Variants in PVT1 observed in about 807,000 individuals in gnomAD.
PVT1 encodes Pvt1 oncogene.
intron 2 of PVT1, among the ~76,000 whole-genome samples, chr8:127,812,248 C>CAGGAAGGCAGGAAGGCAGGAAGGA (rs1814604804): frequency 2.7e-5 from 3 of 112,040 alleles, no homozygotes; most frequent in African/African-American, 4.6e-5. Flanking sequence ...GGAAGGAAGG[C>CAGGAAGGCAGGAAGGCAGGAAGGA]AGGAAGGCAG....
chr8:127,992,223 TA>T (rs1817051759), intron 4 of PVT1, among the ~76,000 whole-genome samples: 1 of 151,952 alleles, frequency 6.6e-6, no homozygotes, highest in Admixed American at 6.6e-5. Context: ...CTGTCTCTAT[TA>T]AAAATACAAA....
chr8:127,826,149 C>G (rs1008663175), intron 2 of PVT1, among the ~76,000 whole-genome samples: 1 of 151,338 alleles, frequency 6.6e-6, no homozygotes, highest in Admixed American at 6.6e-5. Context: ...CATGAGCTAC[C>G]GCTACACCCA....
At chr8:127,976,638 A>G (rs780128164) in intron 3 of PVT1, among the ~76,000 whole-genome samples, 4 of 152,076 alleles carry the variant, frequency 2.6e-5, no homozygotes, top group Non-Finnish European at 5.9e-5. Flanking sequence ...TTGAACATTA[A>G]CCAGGCATCA....
At chr8:127,839,064 G>C (rs1395478008) in intron 2 of PVT1, among the ~76,000 whole-genome samples, 1 of 152,200 alleles carries the variant, frequency 6.6e-6, no homozygotes, top group African/African-American at 2.4e-5. Context: ...TGTGTAGTGA[G>C]TAGGCTGTCA....
intron 2 of PVT1, among the ~76,000 whole-genome samples, chr8:127,881,833 C>G (rs1463139573): frequency 6.6e-6 from 1 of 152,024 alleles, no homozygotes; most frequent in African/African-American, 2.4e-5. Context: ...CACTGACTTC[C>G]TGGACTCAAG....
intron 3 of PVT1, among the ~76,000 whole-genome samples, chr8:127,982,119 A>G (rs569271428): frequency 6.6e-6 from 1 of 152,138 alleles, no homozygotes; most frequent in African/African-American, 2.4e-5. Flanking sequence ...TAAGATGGGG[A>G]TAATGTGAGC....
intron 2 of PVT1, among the ~76,000 whole-genome samples, chr8:127,885,681 T>C (rs1815515269): frequency 6.6e-6 from 1 of 152,130 alleles, no homozygotes; most frequent in Admixed American, 6.6e-5. Flanking sequence ...GTAACAAACA[T>C]TCAAAACATC....
At chr8:127,819,206 C>G (rs1563613744) in intron 2 of PVT1, among the ~76,000 whole-genome samples, 1 of 152,138 alleles carries the variant, frequency 6.6e-6, no homozygotes, top group East Asian at 1.9e-4. Flanking sequence ...TCTCATAGTA[C>G]ACGTTACTTT....
intron 4 of PVT1, among the ~76,000 whole-genome samples, chr8:128,033,590 C>A (rs1813425013): frequency 6.6e-6 from 1 of 152,150 alleles, no homozygotes; most frequent in Non-Finnish European, 1.5e-5. Flanking sequence ...AGAAGAAGGT[C>A]TTTTGAGATA....
chr8:127,976,583 G>A (rs894612790), intron 3 of PVT1, among the ~76,000 whole-genome samples: 8 of 152,114 alleles, frequency 5.3e-5, no homozygotes, highest in South Asian at 2.1e-4. Flanking sequence ...AGTTGGAAAG[G>A]GTGGCACTGT....
chr8:127,984,070 G>A (rs1433162528), intron 3 of PVT1: 2 of 151,846 alleles, frequency 1.3e-5, no homozygotes, highest in African/African-American at 4.8e-5. Flanking sequence ...GTAGAGACGG[G>A]GTTTCACCAT....
rs773429269 is a variant in PVT1 at position 127,984,871 on chromosome 8, T to TTC, written n.783-4289_783-4288dup. 2.2e-3 allele frequency among the ~76,000 whole-genome samples: 181 copies of TTC among 81,106 alleles called. 6 individuals are homozygous for TTC. Among genetic ancestry groups the TTC allele is most frequent in the South Asian group, 2.3e-3 (4 of 1,732 alleles). The allele number at this position is 81,106 out of a possible 152,430, so 53.2% of individuals were successfully genotyped here. On this transcript the variant is annotated intron_variant and non_coding_transcript_variant, in intron 3 of 10. Coordinates refer to ENST00000651587, the Ensembl canonical transcript of PVT1. ...TTTCTTTCTTTCTTTCTTTCTTTCT[T>TTC]TCTTTCTTTCTTTCTTTCTTTCTTT...
intron 2 of PVT1, among the ~76,000 whole-genome samples, chr8:127,864,512 C>T (rs1815265226): frequency 6.6e-6 from 1 of 152,162 alleles, no homozygotes; most frequent in African/African-American, 2.4e-5. Flanking sequence ...TTTCCTGTTG[C>T]TTTTCACACG....
intron 3 of PVT1, among the ~76,000 whole-genome samples, chr8:127,913,562 C>T (rs958626898): frequency 6.6e-6 from 1 of 151,208 alleles, no homozygotes; most frequent in African/African-American, 2.5e-5. Flanking sequence ...CAGTCTGCCC[C>T]ATGTGGGGTC....
rs529747367 is a variant in PVT1, at chr8:127,874,242, G to A, written n.373-16347G>A. Among the ~76,000 whole-genome samples the A allele has an allele frequency of 1.6e-4, 24 of 152,316 alleles. No homozygotes were observed. In the South Asian group the frequency reaches 4.8e-3, roughly 30 times the overall value. On this transcript the variant is annotated intron_variant and non_coding_transcript_variant, in intron 2 of 10. Coordinates refer to ENST00000651587, the Ensembl canonical transcript of PVT1. ...ATGTCATGATGCCATGGGAGCACTG[G>A]AGAAGGGGCAGCAGTGGATTCAGCT...
At chr8:128,029,689 C>T (rs1214197628) in intron 4 of PVT1, among the ~76,000 whole-genome samples, 1 of 152,116 alleles carries the variant, frequency 6.6e-6, no homozygotes, top group Non-Finnish European at 1.5e-5. Flanking sequence ...GTCCCAGCTA[C>T]TCGGGAGGCT....
chr8:127,969,600 A>G (rs1374127515), intron 3 of PVT1, among the ~76,000 whole-genome samples: 3 of 152,210 alleles, frequency 2.0e-5, no homozygotes, highest in Non-Finnish European at 4.4e-5. Flanking sequence ...TGGGCTTCCA[A>G]GGAATCTGCA....
chr8:127,972,833 T>C (rs1816779706), intron 3 of PVT1, among the ~76,000 whole-genome samples: 2 of 152,186 alleles, frequency 1.3e-5, no homozygotes, highest in East Asian at 3.8e-4. Context: ...GACTGGGGCA[T>C]CTGTGCTTCT....
chr8:128,095,815 G>A (rs1165040686), intron 5 of PVT1, among the ~76,000 whole-genome samples: 1 of 152,236 alleles, frequency 6.6e-6, no homozygotes, highest in Non-Finnish European at 1.5e-5. Flanking sequence ...GAACCAGCTT[G>A]AGGTACGCAT....
Sources: gnomAD v4.1 joint callset for allele counts (sites outside exome capture counted in the v4.1 genomes callset) on GRCh38, gnomAD v4.1.1 for gene constraint, MANE v1.5 for transcripts, NCBI Gene and HGNC (gene_info 2026-07-23, HGNC 2026-07-21) for gene names.